Variants in COL16A1 observed in about 807,000 individuals in gnomAD.
COL16A1 encodes the protein collagen alpha-1(XVI) chain.
Under a neutral mutation model 266.3 loss-of-function variants are expected in COL16A1, and 189 were observed. The observed-to-expected ratio is 0.71, with a 90% CI of 0.63 to 0.80. COL16A1 has a LOEUF of 0.80. COL16A1 is among the 30% of genes least tolerant of loss of function. The pLI, the probability that COL16A1 is intolerant of heterozygous loss-of-function variation, is 0.00. For synonymous variants in COL16A1, 740 were observed against 782.3 expected, an observed-to-expected ratio of 0.95 and a Z score of 0.90; for missense variants, 1,928 against 2,122.4, an observed-to-expected ratio of 0.91 and a Z score of 1.80.
At chr1:31,653,534 GA>G in intron 70 of COL16A1, 64 bp downstream of exon 70, 2 of 1,536,978 alleles carry the variant, frequency 1.3e-6, no homozygotes. Context: ...TGTCATAGAA[GA>G]AACAGAAAGA....
At chr1:31,659,149 G>A (rs1570356117) in intron 62 of COL16A1, among the ~76,000 whole-genome samples, 185 bp from the exon 63 acceptor site, 1 of 152,218 alleles carries the variant, frequency 6.6e-6, no homozygotes, top group Admixed American at 6.5e-5. Flanking sequence ...GAGGCCTGGG[G>A]GTCCTGGGCA....
Position 31,664,098 on chromosome 1 carries a change from C to T in COL16A1, c.3555+1074G>A, listed in dbSNP as rs562149786. Among the ~76,000 whole-genome samples, 1 of 147,204 alleles carries T rather than the reference C, an allele frequency of 6.8e-6. No homozygotes were observed. Among genetic ancestry groups the T allele is most frequent in the African/African-American group, 2.6e-5 (1 of 39,184 alleles). On this transcript the variant is annotated intron_variant, in intron 56 of 70. Transcript: ENST00000373672. The surrounding 1 kb of genome is among the most constrained non-coding windows in gnomAD (Gnocchi z 5.5). ...AACCACTGGCCAGAGGTTTGGGATTCTCTGCAATGACCAGCCTAAGGAGAG... is the reference window on the plus strand; with the variant it reads ...AACCACTGGCCAGAGGTTTGGGATTTTCTGCAATGACCAGCCTAAGGAGAG...
intron 16 of COL16A1, 137 bp downstream of exon 16, chr1:31,692,337 A>G (rs138719524): frequency 1.5e-5 from 18 of 1,183,888 alleles, no homozygotes; most frequent in Non-Finnish European, 1.9e-5. Context: ...GGGGTGGGGG[A>G]GATGGGGGAG....
Position 31,691,435 on chromosome 1 carries a change from T to G in COL16A1, c.1380A>C (p.Ile460=). 3.7e-6 allele frequency: 6 copies of G among 1,612,370 alleles called. No homozygotes were observed. Among genetic ancestry groups the G allele is most frequent in the Non-Finnish European group, 5.1e-6 (6 of 1,179,046 alleles). Residue 460 remains isoleucine, a synonymous_variant, in exon 19 of 71, where the codon ATA becomes ATC. Transcript: ENST00000373672. Reference sequence around the variant, plus strand: ...TACTCACCGGGGTCCCAGGCAGTCCTATCCCAGGGGGTCCAGGGAGGCCGG... The same window carrying G: ...TACTCACCGGGGTCCCAGGCAGTCCGATCCCAGGGGGTCCAGGGAGGCCGG... ...GPPGLPGPPG[I]GLPGTPGDPG...
At chr1:31,662,692 A>T (rs768298096) in intron 56 of COL16A1, 34 bp from the exon 57 acceptor site, 2 of 819,940 alleles carry the variant, frequency 2.4e-6, no homozygotes, top group Non-Finnish European at 3.3e-6. Flanking sequence ...CCCCCGCCCC[A>T]CAATAAAGTC....
chr1:31,666,418 A>C, intron 52 of COL16A1: 3 of 317,980 alleles, frequency 9.4e-6, no homozygotes, highest in Non-Finnish European at 1.7e-5. Context: ...ACTTTCCACC[A>C]ACGCTGGTCT....
chr1:31,654,184 G>A, intron 68 of COL16A1, 141 bp from the exon 69 acceptor site: 2 of 1,277,470 alleles, frequency 1.6e-6, no homozygotes, highest in South Asian at 1.5e-5. Flanking sequence ...GGAGTATGGG[G>A]GTGGGTCTCG....
At chr1:31,689,275 G>T in intron 23 of COL16A1, 190 bp from the exon 24 acceptor site, 2 of 910,616 alleles carry the variant, frequency 2.2e-6, no homozygotes, top group Non-Finnish European at 1.6e-6. Flanking sequence ...GCGTGGCGGG[G>T]GGAATGACGC....
In COL16A1 at chr1:31,685,814, G is replaced by C; in HGVS notation, c.1885-44C>G. The C allele has an allele frequency of 6.2e-7, 1 of 1,604,900 alleles. No homozygotes were observed. Among genetic ancestry groups the C allele is most frequent in the Non-Finnish European group, 8.5e-7 (1 of 1,173,504 alleles). On this transcript the variant is annotated intron_variant, in intron 28 of 70. Transcript: ENST00000373672. This position sits in a 1 kb window ranked among gnomAD's most constrained non-coding sequence, Gnocchi z 4.0. The stretch of plus-strand genomic sequence containing the variant: ...GAGTTAGGGGGTCCCCCAGGCCCTA[G>C]TGCACTTGAGCGAGGTTTGGAATCT...
chr1:31,658,513 C>G lies in COL16A1; in HGVS notation c.3995G>C (p.Gly1332Ala). The change falls in exon 64 of 71, where the codon GGC (glycine) becomes GCC (alanine). Residue 1332 changes from glycine to alanine, a missense_variant. Gly to Ala is a moderately conservative substitution (Grantham distance 60). Coordinates refer to ENST00000373672, the MANE Select transcript of COL16A1 (RefSeq NM_001856.4). ...TGGGGGGCCAGGGTGTCCAGGGGGG[C>G]CGGGCTGGCCTGGGAGGCCTGCAAG... ...RGLAGLPGQPGPPGHPGPPGE... is the reference protein window; with the variant it reads ...RGLAGLPGQPAPPGHPGPPGE... 6.2e-7 allele frequency: 1 copy of G among 1,604,498 alleles called. No homozygotes were observed. Among genetic ancestry groups the G allele is most frequent in the Non-Finnish European group, 8.5e-7 (1 of 1,176,578 alleles).
At chr1:31,665,518 G>T (rs1435542252) in intron 55 of COL16A1, 65 bp downstream of exon 55, 1 of 1,613,302 alleles carries the variant, frequency 6.2e-7, no homozygotes, top group African/African-American at 1.3e-5. Flanking sequence ...GCCTGGCCTG[G>T]TCAGGCCTGC....
At chr1:31,690,293 T>C in intron 22 of COL16A1, 74 bp downstream of exon 22, 3 of 1,603,782 alleles carry the variant, frequency 1.9e-6, no homozygotes, top group African/African-American at 1.3e-5. Context: ...CCTAGGGCCC[T>C]TGATGCTCAC....
Position 31,666,063 on chromosome 1 carries a change from C to T in COL16A1, c.3376G>A (p.Gly1126Ser). The T allele has an allele frequency of 1.2e-6, 2 of 1,612,378 alleles. No individual in the cohort carries two copies. The highest frequency in any genetic ancestry group is 1.7e-6 in the Non-Finnish European group (2 of 1,179,522). The change falls in exon 53 of 71, where the codon GGC becomes AGC. Residue 1126 changes from glycine (G) to serine (S), a missense_variant. Physicochemically the swap from Gly to Ser is moderately conservative, Grantham distance 56. Coordinates refer to ENST00000373672, the MANE Select transcript of COL16A1 (RefSeq NM_001856.4). The part of the protein sequence containing the change: ...KGEPGPPGSE[G>S]LPGPPGPAGP... ...GCTGGGCCTGGGGGGCCTGGGAGGC[C>T]TTCAGATCCTGGGGGGCCCTAAGGA...
Position 31,658,551 on chromosome 1 carries a change from G to T in COL16A1, c.3957C>A (p.Thr1319=), listed in dbSNP as rs368113432. The T allele has an allele frequency of 6.2e-7, 1 of 1,604,980 alleles. No homozygotes were observed. The highest frequency in any genetic ancestry group is 1.1e-5 in the South Asian group (1 of 88,622). Residue 1319 remains threonine, a synonymous_variant, in exon 64 of 71, where the codon ACC becomes ACA. Coordinates refer to ENST00000373672, the MANE Select transcript of COL16A1 (RefSeq NM_001856.4). ...GGAGGCCTGCAAGGCCCCTTTCTCC[G>T]GTGGCTCCTCGGTCTCCTTTCAGAC... The part of the protein sequence containing the change: ...AVGLKGDRGA[T]GERGLAGLPG...
chr1:31,696,323 T>TCCCCCCCCCCCCCCCCCCCCCCC (rs796574625), intron 8 of COL16A1, among the ~76,000 whole-genome samples, 182 bp from the exon 9 acceptor site: 2 of 136,530 alleles, frequency 1.5e-5, no homozygotes, highest in African/African-American at 5.5e-5. Context: ...TCCCCCTCCT[T>TCCCCCCCCCCCCCCCCCCCCCCC]CCCCCCCCAC....
At chr1:31,692,203 C>T in intron 16 of COL16A1, 136 bp from the exon 17 acceptor site, 2 of 1,374,616 alleles carry the variant, frequency 1.5e-6, no homozygotes, top group African/African-American at 1.4e-5. Context: ...CTTCAATCAC[C>T]ACGGGAGGGT....
chr1:31,691,105 T>C, intron 20 of COL16A1, 83 bp downstream of exon 20: 1 of 1,548,640 alleles, frequency 6.5e-7, no homozygotes, highest in Non-Finnish European at 8.7e-7. Flanking sequence ...TTGCTTCCCC[T>C]GTGGGAAGCT....
At position 31,658,530 on chromosome 1, in the gene COL16A1, G is replaced by T. The variant is rs1350344562; in HGVS notation, c.3978C>A (p.Gly1326=). The T allele has an allele frequency of 1.2e-6, 2 of 1,604,996 alleles. No individual in the cohort carries two copies. The highest frequency in any genetic ancestry group is 4.5e-5 in the East Asian group (2 of 44,580). The change falls in exon 64 of 71, where the codon GGC becomes GGA. Residue 1326 remains glycine, a synonymous_variant. Coordinates refer to ENST00000373672, the MANE Select transcript of COL16A1 (RefSeq NM_001856.4). ...RGATGERGLA[G]LPGQPGPPGH... is the part of the protein sequence containing the mutation. ...CAGGGGGGCCGGGCTGGCCTGGGAG[G>T]CCTGCAAGGCCCCTTTCTCCGGTGG...
chr1:31,686,747 G>A (rs937226120), intron 26 of COL16A1, among the ~76,000 whole-genome samples: 1 of 152,194 alleles, frequency 6.6e-6, no homozygotes, highest in Non-Finnish European at 1.5e-5. Flanking sequence ...TGGTCAGAGA[G>A]GTGTTAACCC....
Sources: gnomAD v4.1 joint callset for allele counts (sites outside exome capture counted in the v4.1 genomes callset) on GRCh38, gnomAD v4.1.1 for gene constraint, Gnocchi (gnomAD v3.1) non-coding constraint, MANE v1.5 for transcripts, NCBI Gene and HGNC (gene_info 2026-07-23, HGNC 2026-07-21) for gene names.